Variants in FBN3 observed in about 807,000 individuals in gnomAD.
The protein encoded by FBN3 is fibrillin-3.
A neutral mutation model predicts 330.1 loss-of-function variants in FBN3; 234 were observed. That is an observed-to-expected ratio of 0.71 (90% confidence interval 0.64 to 0.79). FBN3 has a LOEUF of 0.79. Among genes scored for constraint, FBN3 ranks in the 30% least tolerant of loss-of-function variants. FBN3 has a pLI of 0.00. For missense variants in FBN3, 3,606 were observed against 3,886.9 expected (o/e 0.93, Z 1.92); for synonymous variants, 1,458 against 1,517.3 (o/e 0.96, Z 0.91).
Position 8,106,213 on chromosome 19 carries a change from G to C in FBN3, c.4708C>G (p.Leu1570Val), listed in dbSNP as rs776503684. The change falls in exon 38 of 64, where the codon CTG becomes GTG. Residue 1570 changes from leucine (L) to valine (V), a missense_variant. Coordinates refer to ENST00000600128, the MANE Select transcript of FBN3 (RefSeq NM_032447.5). Reference sequence around the variant, plus strand: ...TCACCCCCCTGACACAGCCCTGGCAGCTCTTGGCACTCGTCGATGTCTGTC... The same window carrying C: ...TCACCCCCCTGACACAGCCCTGGCACCTCTTGGCACTCGTCGATGTCTGTC... ...ILEDIDECQE[L>V]PGLCQGGDCV... 6.2e-7 allele frequency: 1 copy of C among 1,614,188 alleles called. No homozygotes were observed. The highest frequency in any genetic ancestry group is 1.1e-5 in the South Asian group (1 of 91,082).
At chr19:8,144,198 C>T (rs567441251) in intron 6 of FBN3, among the ~76,000 whole-genome samples, 26 of 151,998 alleles carry the variant, frequency 1.7e-4, no homozygotes, top group African/African-American at 6.0e-4. Context: ...GCCAGGAGTT[C>T]GAGGCCAGCC....
rs374825163 is a variant in FBN3, at chr19:8,126,352, A to G, written c.2555-5T>C. 18 of 1,588,932 alleles carry G rather than the reference A, an allele frequency of 1.1e-5. No individual in the cohort carries two copies. Among genetic ancestry groups the G allele is most frequent in the Non-Finnish European group, 1.5e-5 (18 of 1,169,316 alleles). ...AGCCCCGGGCACAGGCAGGGTCTGCAACTGGGAGAACAAGAGTGAAGAGAG... is the reference window on the plus strand; with the variant it reads ...AGCCCCGGGCACAGGCAGGGTCTGCGACTGGGAGAACAAGAGTGAAGAGAG... On this transcript the variant is annotated splice_polypyrimidine_tract_variant and splice_region_variant and intron_variant, in intron 20 of 63. Coordinates refer to ENST00000600128, the MANE Select transcript of FBN3 (RefSeq NM_032447.5).
rs2082237945 is a variant in FBN3 at position 8,097,526 on chromosome 19, A to G, written c.5162-112T>C. 2.5e-6 allele frequency: 3 copies of G among 1,182,926 alleles called. No individual in the cohort carries two copies. In the African/African-American group the frequency reaches 4.5e-5, roughly 18 times the overall value. 73.3% of individuals were successfully genotyped at this position (1,182,926 alleles called of 1,614,324 possible). On this transcript the variant is annotated intron_variant, in intron 41 of 63. Coordinates refer to ENST00000600128, the MANE Select transcript of FBN3 (RefSeq NM_032447.5). ...CTGGTTGAGGCTGTTGTGGCCACAA[A>G]CCAGCACACACTCAAGAAAATCTTG...
At position 8,116,930 on chromosome 19, in the gene FBN3, G is replaced by T. The variant is rs918317075; in HGVS notation, c.3587-131C>A. 4.0e-6 allele frequency: 5 copies of T among 1,237,586 alleles called. No homozygotes were observed. The East Asian group carries it at 1.0e-4, about 25-fold the overall frequency. 76.7% of individuals were successfully genotyped at this position (1,237,586 alleles called of 1,614,324 possible). ...CGATGGTCACTCGAGTAGTCTGGGG[G>T]CGCTCAAGCAGTTCTGAGGTTCTTT... On this transcript the variant is annotated intron_variant, in intron 28 of 63. Transcript: ENST00000600128.
intron 38 of FBN3, 91 bp from the exon 39 acceptor site, chr19:8,103,778 C>T: frequency 1.6e-6 from 2 of 1,262,054 alleles, no homozygotes; most frequent in Non-Finnish European, 2.2e-6. Context: ...AAGGCCACTT[C>T]ACCAGGGACC....
At position 8,123,915 on chromosome 19, in the gene FBN3, G is replaced by A; in HGVS notation, c.2825C>T (p.Ser942Phe). 6.2e-7 allele frequency: 1 copy of A among 1,614,072 alleles called. No individual in the cohort carries two copies. The highest frequency in any genetic ancestry group is 8.5e-7 in the Non-Finnish European group (1 of 1,180,024). The change falls in exon 23 of 64, where the codon TCC (serine) becomes TTC (phenylalanine). Residue 942 changes from serine (S) to phenylalanine (F), a missense_variant. By Grantham distance (155) the Ser-to-Phe change is radical. Coordinates refer to ENST00000600128, the MANE Select transcript of FBN3 (RefSeq NM_032447.5). ...GKYRMDVCCC[S>F]IGAVWGVECE... Reference sequence around the variant, plus strand: ...CTCGACTCCCCACACGGCCCCGATGGAGCAGCAGCAGACGTCCATCCGGTA... The same window carrying A: ...CTCGACTCCCCACACGGCCCCGATGAAGCAGCAGCAGACGTCCATCCGGTA...
intron 28 of FBN3, 62 bp downstream of exon 28, chr19:8,117,107 C>A (rs1049256637): frequency 7.5e-6 from 12 of 1,600,816 alleles, no homozygotes; most frequent in Middle Eastern, 3.4e-4. Context: ...AGTGCAGGAC[C>A]CAGCCAACAC....
intron 32 of FBN3, among the ~76,000 whole-genome samples, 165 bp downstream of exon 32, chr19:8,111,483 A>G (rs1278620275): frequency 6.6e-6 from 1 of 152,106 alleles, no homozygotes; most frequent in Non-Finnish European, 1.5e-5. Flanking sequence ...AGCCGTGGGC[A>G]GGCCGCAGCA....
intron 6 of FBN3, among the ~76,000 whole-genome samples, chr19:8,143,204 G>A (rs984520634): frequency 2.0e-5 from 3 of 152,098 alleles, no homozygotes; most frequent in Non-Finnish European, 1.5e-5. Flanking sequence ...CTCTCACGGG[G>A]ATCCTCAGCG....
At chr19:8,079,528 C>T (rs1024597919) in intron 59 of FBN3, among the ~76,000 whole-genome samples, 2 of 152,168 alleles carry the variant, frequency 1.3e-5, no homozygotes. Flanking sequence ...TTCCTGAACT[C>T]CTGCTTTTAC....
chr19:8,112,616 C>T (rs1326308545), intron 30 of FBN3, among the ~76,000 whole-genome samples: 1 of 152,128 alleles, frequency 6.6e-6, no homozygotes, highest in Non-Finnish European at 1.5e-5. Context: ...TGCCACTGCA[C>T]TCTAGCCTGG....
chr19:8,095,314 C>A, intron 46 of FBN3, 61 bp downstream of exon 46: 1 of 1,538,780 alleles, frequency 6.5e-7, no homozygotes, highest in Non-Finnish European at 8.8e-7. Context: ...AAGTACCAAA[C>A]TGTGGTGTAC....
chr19:8,092,823 C>T (rs1363236386), intron 47 of FBN3, among the ~76,000 whole-genome samples: 2 of 151,086 alleles, frequency 1.3e-5, no homozygotes, highest in Admixed American at 6.6e-5. Context: ...AACCAAATAT[C>T]GTATGTTCTC....
chr19:8,086,959 G>T, intron 54 of FBN3, 118 bp downstream of exon 54: 2 of 1,288,570 alleles, frequency 1.6e-6, no homozygotes, highest in African/African-American at 1.5e-5. Context: ...TCTCGCCTCA[G>T]CCTCCCAAAG....
chr19:8,090,752 G>A (rs2082079582), intron 48 of FBN3, among the ~76,000 whole-genome samples: 1 of 152,014 alleles, frequency 6.6e-6, no homozygotes, highest in South Asian at 2.1e-4. Context: ...CCAAAGTGCT[G>A]GTATTACAGT....
At position 8,125,959 on chromosome 19, in the gene FBN3, A is replaced by G. The variant is rs750676476; in HGVS notation, c.2664T>C (p.Thr888=). The change falls in exon 22 of 64, where the codon ACT becomes ACC. Residue 888 remains threonine (T), a synonymous_variant. Transcript: ENST00000600128. ...GACACTCACAGCGGAAAGACCCAGC[A>G]GTGTTGACGCAACGCCCGTTGGGAC... ...GVCPNGRCVN[T]AGSFRCECPE... The G allele has an allele frequency of 6.2e-7, 1 of 1,613,822 alleles. No homozygotes were observed. The highest frequency in any genetic ancestry group is 1.7e-5 in the Admixed American group (1 of 59,968).
intron 56 of FBN3, among the ~76,000 whole-genome samples, chr19:8,083,805 C>CTTTTCTTTTTTTTTTT (rs766533055): frequency 1.2e-4 from 16 of 134,080 alleles, no homozygotes; most frequent in East Asian, 2.1e-4. Context: ...ACTATTTTTT[C>CTTTTCTTTTTTTTTTT]TTTTTTTTTT....
At chr19:8,116,097 A>G (rs1459575427) in intron 29 of FBN3, among the ~76,000 whole-genome samples, 2 of 151,728 alleles carry the variant, frequency 1.3e-5, no homozygotes, top group African/African-American at 4.8e-5. Flanking sequence ...ATAAACTGCA[A>G]CTCTCTAAGC....
intron 34 of FBN3, 108 bp downstream of exon 34, chr19:8,110,737 A>AG: frequency 7.0e-7 from 1 of 1,422,248 alleles, no homozygotes; most frequent in South Asian, 1.3e-5. Context: ...GCAAGACTGC[A>AG]GGGGAGGATG....
Sources: allele counts gnomAD v4.1 joint callset (sites outside exome capture counted in the v4.1 genomes callset), GRCh38; gene constraint gnomAD v4.1.1; transcripts MANE v1.5; gene names NCBI Gene and HGNC (gene_info 2026-07-23, HGNC 2026-07-21).